The following FSTL5 variants were observed in gnomAD, a reference collection of about 807,000 sequenced individuals.
FSTL5 encodes follistatin like 5, also known as follistatin-related protein 5.
A neutral mutation model predicts 89.1 loss-of-function variants in FSTL5; 62 were observed. That is an observed-to-expected ratio of 0.70 (90% CI 0.57 to 0.86). The LOEUF (loss-of-function observed/expected upper bound fraction) is 0.86. Among genes scored for constraint, FSTL5 ranks in the 40% least tolerant of loss-of-function variants. The probability of loss-of-function intolerance (pLI) is 0.00; values close to 1 mark genes in which losing one functional copy is unlikely to be tolerated. For missense variants in FSTL5, 1,057 were observed against 1,001.6 expected, an observed-to-expected ratio of 1.06 and a Z score of -0.75; for synonymous variants, 383 against 346.2, an observed-to-expected ratio of 1.11 and a Z score of -1.18.
intron 1 of FSTL5, among the ~76,000 whole-genome samples, chr4:162,157,256 T>C (rs1733515814): frequency 6.6e-6 from 1 of 152,148 alleles, no homozygotes; most frequent in Admixed American, 6.6e-5. Flanking sequence ...TTTTTAAATA[T>C]TTATAAATTT....
At chr4:161,484,865 AG>A (rs2126459555) in intron 12 of FSTL5, among the ~76,000 whole-genome samples, 1 of 152,306 alleles carries the variant, frequency 6.6e-6, no homozygotes, top group African/African-American at 2.4e-5. Flanking sequence ...TTGTCATAAA[AG>A]GTTCTTTCAT....
intron 2 of FSTL5, among the ~76,000 whole-genome samples, chr4:162,048,163 C>T (rs1275412893): frequency 6.6e-6 from 1 of 151,894 alleles, no homozygotes; most frequent in Admixed American, 6.6e-5. Context: ...CCCATCTCTA[C>T]TAAAAATACA....
chr4:161,484,136 T>C (rs1729603441), intron 12 of FSTL5, among the ~76,000 whole-genome samples: 1 of 152,200 alleles, frequency 6.6e-6, no homozygotes, highest in Admixed American at 6.5e-5. Context: ...GAATCATATA[T>C]ACACTTGTCT....
intron 3 of FSTL5, among the ~76,000 whole-genome samples, chr4:161,976,654 T>C (rs1735657154): frequency 1.3e-5 from 2 of 151,964 alleles, no homozygotes; most frequent in African/African-American, 4.8e-5. Context: ...GCTAATTTTT[T>C]GTATTTTTAG....
intron 8 of FSTL5, among the ~76,000 whole-genome samples, chr4:161,565,602 C>T (rs1315134302): frequency 1.3e-5 from 2 of 151,496 alleles, no homozygotes; most frequent in African/African-American, 2.4e-5. Flanking sequence ...TGCTGTTTGC[C>T]CGCCACTTAA....
chr4:161,696,008 G>C (rs1738151216), intron 6 of FSTL5, among the ~76,000 whole-genome samples: 1 of 152,062 alleles, frequency 6.6e-6, no homozygotes, highest in Non-Finnish European at 1.5e-5. Context: ...TTTGCTTTTG[G>C]GTTCTTCGTC....
At position 161,854,594 on chromosome 4, in the gene FSTL5, A is replaced by C. The variant is rs557433779; in HGVS notation, c.409+65810T>G. ...GTTAATCCAACAACAACAACAAAAT[A>C]ATTTTGTAGATTCTTTAGTCAGAGA... On this transcript the variant is annotated intron_variant, in intron 4 of 15. Coordinates refer to ENST00000306100, the MANE Select transcript of FSTL5 (RefSeq NM_020116.5). Among the ~76,000 whole-genome samples the C allele has an allele frequency of 6.6e-5, 10 of 152,316 alleles. No individual in the cohort carries two copies. In the East Asian group the frequency reaches 1.9e-3, roughly 29 times the overall value.
intron 15 of FSTL5, among the ~76,000 whole-genome samples, chr4:161,416,654 C>G (rs1578956840): frequency 6.6e-6 from 1 of 152,118 alleles, no homozygotes; most frequent in Non-Finnish European, 1.5e-5. Flanking sequence ...ACCATCCTGG[C>G]TAACATGGTA....
chr4:161,975,384 A>C (rs1269882247), intron 3 of FSTL5, among the ~76,000 whole-genome samples: 1 of 152,104 alleles, frequency 6.6e-6, no homozygotes, highest in East Asian at 1.9e-4. Flanking sequence ...CTGGATTAAG[A>C]AAATGTGGCA....
At position 161,504,332 on chromosome 4, in the gene FSTL5, G is replaced by GT. The variant is rs1730401352; in HGVS notation, c.1340-4199dup. 2.6e-5 allele frequency among the ~76,000 whole-genome samples: 4 copies of GT among 151,864 alleles called. No individual in the cohort carries two copies. In the South Asian group the frequency reaches 8.3e-4, roughly 31 times the overall value. On this transcript the variant is annotated intron_variant, in intron 11 of 15. Transcript: ENST00000306100. ...GTAAAGGGGTCCTGAGTCTCAAAAA[G>GT]TTTGAGTAGTGGTGATCATTACTTC... is the stretch of plus-strand genomic sequence containing the variant.
At chr4:161,827,962 G>A (rs1420567695) in intron 4 of FSTL5, among the ~76,000 whole-genome samples, 1 of 152,190 alleles carries the variant, frequency 6.6e-6, no homozygotes. Context: ...CATCCCCTGA[G>A]TTCTGTCCAG....
intron 6 of FSTL5, among the ~76,000 whole-genome samples, chr4:161,755,684 G>T (rs935823575): frequency 2.0e-5 from 3 of 151,964 alleles, no homozygotes; most frequent in Non-Finnish European, 4.4e-5. Flanking sequence ...CTGTCATTTT[G>T]ATCACTGTCT....
At chr4:161,502,300 T>C (rs574707883) in intron 11 of FSTL5, among the ~76,000 whole-genome samples, 3 of 152,044 alleles carry the variant, frequency 2.0e-5, no homozygotes, top group African/African-American at 7.2e-5. Flanking sequence ...TTCCACTAAA[T>C]ACCACTTAAT....
chr4:162,117,379 GA>G (rs1731682608), intron 1 of FSTL5, among the ~76,000 whole-genome samples: 1 of 152,130 alleles, frequency 6.6e-6, no homozygotes, highest in Non-Finnish European at 1.5e-5. Context: ...TTTCTTTTTG[GA>G]GATGCCTTTT....
intron 1 of FSTL5, among the ~76,000 whole-genome samples, chr4:162,131,628 G>A (rs1434583134): frequency 2.6e-5 from 4 of 152,178 alleles, no homozygotes; most frequent in Non-Finnish European, 5.9e-5. Flanking sequence ...CAATTGGAGA[G>A]TACCTACTGC....
chr4:161,692,768 G>C (rs1009807751), intron 6 of FSTL5, among the ~76,000 whole-genome samples: 10 of 152,064 alleles, frequency 6.6e-5, no homozygotes, highest in African/African-American at 2.2e-4. Flanking sequence ...TCTGTCTCCA[G>C]GGTGGAGTGC....
intron 5 of FSTL5, among the ~76,000 whole-genome samples, chr4:161,769,972 C>G (rs147488812): frequency 4.2e-4 from 63 of 151,386 alleles, no homozygotes; most frequent in Non-Finnish European, 7.1e-4. Flanking sequence ...AAGTGTTTAT[C>G]AACAGATGAA....
chr4:161,949,690 C>T (rs1414457344), intron 3 of FSTL5, among the ~76,000 whole-genome samples: 3 of 151,204 alleles, frequency 2.0e-5, no homozygotes, highest in African/African-American at 7.3e-5. Context: ...TTGTTTGCAT[C>T]ATTTTTATTT....
At chr4:161,770,463 T>C (rs1741168282) in intron 5 of FSTL5, among the ~76,000 whole-genome samples, 1 of 151,930 alleles carries the variant, frequency 6.6e-6, no homozygotes, top group African/African-American at 2.4e-5. Flanking sequence ...ATGTAACCCT[T>C]ATGTATATAT....
Sources: allele counts gnomAD v4.1 joint callset (sites outside exome capture counted in the v4.1 genomes callset), GRCh38; gene constraint gnomAD v4.1.1; transcripts MANE v1.5; gene names NCBI Gene and HGNC (gene_info 2026-07-23, HGNC 2026-07-21).